The following NKX6-3 variants were observed in gnomAD, a reference collection of about 807,000 sequenced individuals.
NKX6-3 encodes the protein homeobox protein Nkx-6.3.
NKX6-3 carries 17 observed loss-of-function variants against 22.0 expected under a neutral mutation model. The ratio of observed to expected loss-of-function variants is 0.77; its 90% CI spans 0.53 to 1.16. The LOEUF (loss-of-function observed/expected upper bound fraction) is 1.16. Ranked by LOEUF, NKX6-3 falls within the 50% of genes most tolerant of loss-of-function variation. The pLI is 0.00. For missense variants in NKX6-3, 363 were observed against 359.0 expected (o/e 1.01, Z -0.09); for synonymous variants, 177 against 167.2 (o/e 1.06, Z -0.45).
intron 1 of NKX6-3, among the ~76,000 whole-genome samples, chr8:41,648,718 GCTGCCACTTCC>G (rs935961390): frequency 6.6e-6 from 1 of 152,218 alleles, no homozygotes; most frequent in Non-Finnish European, 1.5e-5. Flanking sequence ...GACGCCCCAA[GCTGCCACTTCC>G]CCATGTCACC....
At chr8:41,649,618 C>T (rs1388763695) in intron 1 of NKX6-3, among the ~76,000 whole-genome samples, 1 of 152,184 alleles carries the variant, frequency 6.6e-6, no homozygotes, top group Non-Finnish European at 1.5e-5. Context: ...GGCAACAGCC[C>T]CCTGGCTCAA....
At chr8:41,649,957 A>T (rs1385367170) in intron 1 of NKX6-3, among the ~76,000 whole-genome samples, 154 bp downstream of exon 1, 7 of 152,126 alleles carry the variant, frequency 4.6e-5, no homozygotes, top group Admixed American at 4.6e-4. Flanking sequence ...GGTGGAACTC[A>T]GCCTGCACTG....
At chr8:41,649,472 G>A (rs1804272071) in intron 1 of NKX6-3, among the ~76,000 whole-genome samples, 1 of 152,218 alleles carries the variant, frequency 6.6e-6, no homozygotes, top group Non-Finnish European at 1.5e-5. Context: ...GAAAACCTTG[G>A]CTGAGGGATG....
rs116766733 is a variant in NKX6-3 at position 41,648,054 on chromosome 8, G to T, written c.552+12C>A. Reference sequence around the variant, plus strand: ...CCCTGCAGGGCAGGTGCCATCTCCCGCACAGACTTACCTTGACCTGCGACT... The same window carrying T: ...CCCTGCAGGGCAGGTGCCATCTCCCTCACAGACTTACCTTGACCTGCGACT... On this transcript the variant is annotated intron_variant, in intron 2 of 2. Coordinates refer to ENST00000518699, the MANE Select transcript of NKX6-3 (RefSeq NM_001364841.2). 6 of 1,523,418 alleles carry T rather than the reference G, an allele frequency of 3.9e-6. No homozygotes were observed. The highest frequency in any genetic ancestry group is 1.4e-5 in the African/African-American group (1 of 72,830). The allele number at this position is 1,523,418 out of a possible 1,614,324, so 94.4% of individuals were successfully genotyped here.
chr8:41,648,728 C>T (rs1222129643), intron 1 of NKX6-3, among the ~76,000 whole-genome samples: 1 of 152,248 alleles, frequency 6.6e-6, no homozygotes, highest in Non-Finnish European at 1.5e-5. Flanking sequence ...GCTGCCACTT[C>T]CCCATGTCAC....
intron 2 of NKX6-3, 74 bp downstream of exon 2, chr8:41,647,992 C>G (rs1804246393): frequency 7.3e-7 from 1 of 1,374,970 alleles, no homozygotes. Flanking sequence ...GTGGCCACCT[C>G]TCTCCAACGC....
chr8:41,650,418 C>A lies in NKX6-3; in HGVS notation c.75G>T (p.Pro25=). The A allele has an allele frequency of 6.5e-7, 1 of 1,535,750 alleles. No homozygotes were observed. The highest frequency in any genetic ancestry group is 8.7e-7 in the Non-Finnish European group (1 of 1,146,744). The change falls in exon 1 of 3, where the codon CCG becomes CCT. Residue 25 remains proline, a synonymous_variant. Transcript: ENST00000518699. ...AGTTCTGCACAGAGTACTGGCACAC[C>A]GGGGCCTTCATCTCCGGAAACTGAG... ...PLAQFPEMKA[P]VCQYSVQNSF...
chr8:41,648,797 AC>A (rs1804259981), intron 1 of NKX6-3, among the ~76,000 whole-genome samples: 2 of 152,176 alleles, frequency 1.3e-5, no homozygotes, highest in African/African-American at 4.8e-5. Flanking sequence ...GAGGCCAGAG[AC>A]CCTGACCCCC....
At chr8:41,649,002 A>G (rs188147435) in intron 1 of NKX6-3, among the ~76,000 whole-genome samples, 100 of 152,310 alleles carry the variant, frequency 6.6e-4, no homozygotes, top group Non-Finnish European at 1.2e-3. Context: ...TTTCTTGGCT[A>G]TGTCCCTGTG....
At position 41,650,533 on chromosome 8, in the gene NKX6-3, A is replaced by G. The variant is rs1804298435; in HGVS notation, c.-41T>C. 6 of 1,525,816 alleles carry G rather than the reference A, an allele frequency of 3.9e-6. No homozygotes were observed. The highest frequency in any genetic ancestry group is 5.3e-6 in the Non-Finnish European group (6 of 1,142,350). 94.5% of individuals were successfully genotyped at this position (1,525,816 alleles called of 1,614,324 possible). ...ACAGGGAAGGCTTCTCCAGGCCCCT[A>G]AAACCCAAGAGCCCACTCTCTAGCC... is the stretch of plus-strand genomic sequence containing the variant. On this transcript the variant is annotated 5_prime_UTR_variant, in exon 1 of 3. The change abolishes the stop of an existing upstream ORF in the 5' untranslated region. Coordinates refer to ENST00000518699, the MANE Select transcript of NKX6-3 (RefSeq NM_001364841.2).
In NKX6-3 at chr8:41,646,361, C is replaced by A; in HGVS notation, c.*88G>T. The A allele has an allele frequency of 6.7e-7, 1 of 1,486,222 alleles. No homozygotes were observed. Among genetic ancestry groups the A allele is most frequent in the East Asian group, 2.5e-5 (1 of 40,356 alleles). The allele number at this position is 1,486,222 out of a possible 1,614,324, so 92.1% of individuals were successfully genotyped here. ...AAGAAAGACTCAGTCCCTGCGCCCC[C>A]AGGAGCGTGGGGAAGGGGAGGGGAA... On this transcript the variant is annotated 3_prime_UTR_variant, in exon 3 of 3. Coordinates refer to ENST00000518699, the MANE Select transcript of NKX6-3 (RefSeq NM_001364841.2).
At position 41,646,534 on chromosome 8, in the gene NKX6-3, T is replaced by C. The variant is rs766498627; in HGVS notation, c.713A>G (p.Asp238Gly). The change falls in exon 3 of 3, where the codon GAC (aspartate) becomes GGC (glycine). Residue 238 changes from aspartate (D) to glycine (G), a missense_variant. This residue lies in a region of NKX6-3 where 169 missense variants were observed against 155.8 expected (regional missense o/e 1.08). Coordinates refer to ENST00000518699, the MANE Select transcript of NKX6-3 (RefSeq NM_001364841.2). ...DDEYNKPLDP[D>G]SDDEKIRLLL... ...CAGGCGGATCTTCTCGTCGTCCGAG[T>C]CGGGGTCCAGCGGCTTGTTGTACTC... The C allele has an allele frequency of 3.1e-6, 5 of 1,612,008 alleles. No individual in the cohort carries two copies. Among genetic ancestry groups the C allele is most frequent in the Non-Finnish European group, 4.2e-6 (5 of 1,179,320 alleles).
Position 41,646,351 on chromosome 8 carries a change from C to T in NKX6-3, c.*98G>A. 1 of 1,466,206 alleles carries T rather than the reference C, an allele frequency of 6.8e-7. No individual in the cohort carries two copies. The highest frequency in any genetic ancestry group is 9.1e-7 in the Non-Finnish European group (1 of 1,094,542). 90.8% of individuals were successfully genotyped at this position (1,466,206 alleles called of 1,614,324 possible). A position where few individuals can be genotyped will look rare whatever the true frequency, so the allele number is the denominator to read the frequency against. ...CCCTCATCCAAAGAAAGACTCAGTC[C>T]CTGCGCCCCCAGGAGCGTGGGGAAG... is the stretch of plus-strand genomic sequence containing the variant. On this transcript the variant is annotated 3_prime_UTR_variant, in exon 3 of 3. Transcript: ENST00000518699.
At position 41,646,689 on chromosome 8, in the gene NKX6-3, C is replaced by G. The variant is rs1266774791; in HGVS notation, c.558G>C (p.Trp186Cys). 6 of 1,540,288 alleles carry G rather than the reference C, an allele frequency of 3.9e-6. No homozygotes were observed. The highest frequency in any genetic ancestry group is 5.2e-6 in the Non-Finnish European group (6 of 1,146,044). Residue 186 changes from tryptophan (W) to cysteine (C), a missense_variant, in exon 3 of 3, where the codon TGG becomes TGC. By Grantham distance (215) the Trp-to-Cys change is radical (BLOSUM62 -2). This residue lies in a region of NKX6-3 where 169 missense variants were observed against 155.8 expected (regional missense o/e 1.08). Coordinates refer to ENST00000518699, the MANE Select transcript of NKX6-3 (RefSeq NM_001364841.2). ...GCCACTTGGTCCTGCGGTTCTGGAA[C>G]CACACCTGCGATGAGAAAGAATGTG... ...LGMTESQVKV[W>C]FQNRRTKWRK... is the part of the protein sequence containing the mutation.
chr8:41,650,047 C>T, intron 1 of NKX6-3, 64 bp downstream of exon 1: 1 of 1,477,280 alleles, frequency 6.8e-7, no homozygotes, highest in Non-Finnish European at 9.0e-7. Context: ...GAGGCCCCTC[C>T]TCGTCCTCTG....
intron 2 of NKX6-3, 58 bp downstream of exon 2, chr8:41,648,008 C>G (rs1434292015): frequency 2.1e-6 from 3 of 1,447,118 alleles, no homozygotes; most frequent in Non-Finnish European, 2.8e-6. Context: ...AACGCAGTGG[C>G]CTCCTGTCCG....
chr8:41,650,361 G>T lies in NKX6-3; in HGVS notation c.132C>A (p.Gly44=), dbSNP rs1000732205. ...GGGGGGTTCCGGCGGCCAGCTGGGGGCCCAGCCCTGGGGGGCTGAGCTTGT... is the reference window on the plus strand; with the variant it reads ...GGGGGGTTCCGGCGGCCAGCTGGGGTCCCAGCCCTGGGGGGCTGAGCTTGT... The part of the protein sequence containing the change: ...SFYKLSPPGL[G]PQLAAGTPHG... Residue 44 remains glycine, a synonymous_variant, in exon 1 of 3, where the codon GGC becomes GGA. Coordinates refer to ENST00000518699, the MANE Select transcript of NKX6-3 (RefSeq NM_001364841.2). 2.0e-6 allele frequency: 3 copies of T among 1,535,142 alleles called. No homozygotes were observed. In the East Asian group the frequency reaches 7.3e-5, roughly 38 times the overall value.
chr8:41,648,177 C>T lies in NKX6-3; in HGVS notation c.441G>A (p.Thr147=), dbSNP rs754412567. 10 of 1,538,482 alleles carry T rather than the reference C, an allele frequency of 6.5e-6. No homozygotes were observed. Among genetic ancestry groups the T allele is most frequent in the Admixed American group, 2.0e-5 (1 of 50,996 alleles). The change falls in exon 2 of 3, where the codon ACG becomes ACA. Residue 147 remains threonine, a synonymous_variant. Transcript: ENST00000518699. The stretch of plus-strand genomic sequence containing the variant: ...TCTCCAGGGCAAAGATCTGGTGCCC[C>T]GTGAAGGTGGGCCGGGTGTGCTTCT... The part of the protein sequence containing the change: ...HKKKHTRPTF[T]GHQIFALEKT...
rs1455805572 is a variant in NKX6-3 at position 41,645,554 on chromosome 8, C to T, written c.*895G>A. The T allele has an allele frequency of 6.6e-6, 1 of 152,360 alleles. No homozygotes were observed. Among genetic ancestry groups the T allele is most frequent in the Non-Finnish European group, 1.5e-5 (1 of 68,196 alleles). The allele number at this position is 152,360 out of a possible 1,614,324, so 9.4% of individuals were successfully genotyped here. On this transcript the variant is annotated 3_prime_UTR_variant, in exon 3 of 3. Coordinates refer to ENST00000518699, the MANE Select transcript of NKX6-3 (RefSeq NM_001364841.2). ...CTTTCCCAGCCCTTCCTTTCCTCCC[C>T]AGGTGGGATGCTTTTTCTCTCTGGG...
Sources: allele counts gnomAD v4.1 joint callset (sites outside exome capture counted in the v4.1 genomes callset), GRCh38; gene constraint gnomAD v4.1.1; regional missense constraint gnomAD v4.1.1; transcripts MANE v1.5; gene names NCBI Gene and HGNC (gene_info 2026-07-23, HGNC 2026-07-21).